The following RANBP2 variants were observed in gnomAD, a reference collection of about 807,000 sequenced individuals.
RANBP2 encodes E3 SUMO-protein ligase RanBP2.
A neutral mutation model predicts 303.6 loss-of-function variants in RANBP2; 57 were observed. That is an observed-to-expected ratio of 0.19 (90% CI 0.15 to 0.23). The LOEUF (loss-of-function observed/expected upper bound fraction) is 0.23. Among genes scored for constraint, RANBP2 ranks in the 10% least tolerant of loss-of-function variants. The probability of loss-of-function intolerance (pLI) is 1.00; values close to 1 mark genes in which losing one functional copy is unlikely to be tolerated. For missense variants in RANBP2, 3,138 were observed against 3,780.8 expected, an observed-to-expected ratio of 0.83 and a Z score of 4.46; for synonymous variants, 1,167 against 1,301.5, an observed-to-expected ratio of 0.90 and a Z score of 2.23.
chr2:109,687,002 C>T, the RANBP2 span, among the ~76,000 whole-genome samples: 1 of 152,216 alleles, frequency 6.6e-6, no homozygotes, highest in East Asian at 1.9e-4. Context: ...CAGGAAAGAG[C>T]TTACATCCTA....
the RANBP2 span, among the ~76,000 whole-genome samples, chr2:109,704,329 C>T: frequency 6.6e-6 from 1 of 152,086 alleles, no homozygotes; most frequent in East Asian, 1.9e-4. Context: ...GGAAGGATCA[C>T]TTGAGCCAAG....
chr2:108,906,524 G>C, the RANBP2 span, among the ~76,000 whole-genome samples: 2 of 152,328 alleles, frequency 1.3e-5, no homozygotes, highest in African/African-American at 2.4e-5. Flanking sequence ...GACACACAGG[G>C]AGGAGGGCCT....
chr2:108,915,201 G>A, the RANBP2 span, among the ~76,000 whole-genome samples: 4 of 152,232 alleles, frequency 2.6e-5, no homozygotes, highest in Admixed American at 6.5e-5. Context: ...TGTAATCCAT[G>A]CCTGGGCTGG....
chr2:109,359,769 C>T, the RANBP2 span, among the ~76,000 whole-genome samples: 2 of 152,126 alleles, frequency 1.3e-5, no homozygotes, highest in Non-Finnish European at 2.9e-5. Flanking sequence ...GTTTCTTCAG[C>T]ATCCTCAAGG....
the RANBP2 span, among the ~76,000 whole-genome samples, chr2:109,481,670 AGGGCTCT>A: frequency 6.6e-6 from 1 of 152,158 alleles, no homozygotes; most frequent in African/African-American, 2.4e-5. Flanking sequence ...ATGTGGATGG[AGGGCTCT>A]GCCTCGCAGC....
chr2:109,059,440 C>T, the RANBP2 span, among the ~76,000 whole-genome samples: 29 of 151,976 alleles, frequency 1.9e-4, no homozygotes, highest in Admixed American at 8.5e-4. Flanking sequence ...CCGGGTGTGG[C>T]GGTGGGTGCC....
chr2:109,011,054 G>T, the RANBP2 span, among the ~76,000 whole-genome samples: 1 of 152,334 alleles, frequency 6.6e-6, no homozygotes, highest in East Asian at 1.9e-4. Flanking sequence ...ATTAAGGGAG[G>T]AAGTTCTGGG....
the RANBP2 span, among the ~76,000 whole-genome samples, chr2:109,363,265 C>A: frequency 6.6e-6 from 1 of 151,850 alleles, no homozygotes; most frequent in Non-Finnish European, 1.5e-5. Context: ...GCATTGGAGT[C>A]TGCAATATTC....
intron 1 of RANBP2, chr2:108,719,980 C>T: frequency 4.1e-6 from 4 of 985,032 alleles, no homozygotes; most frequent in Non-Finnish European, 4.8e-6. Context: ...TGGCCGATCG[C>T]GCACCCCGTA....
chr2:108,891,345 A>ATATC, the RANBP2 span, among the ~76,000 whole-genome samples: 1 of 152,160 alleles, frequency 6.6e-6, no homozygotes, highest in African/African-American at 2.4e-5. Flanking sequence ...TCCTAAAGAT[A>ATATC]TATCTATGGT....
the RANBP2 span, among the ~76,000 whole-genome samples, chr2:108,923,092 G>T: frequency 4.4e-3 from 663 of 152,262 alleles, 3 homozygotes; most frequent in Non-Finnish European, 7.1e-3. Context: ...CCATATTACC[G>T]ATGAGAAAAC....
chr2:109,408,462 A>G, the RANBP2 span, among the ~76,000 whole-genome samples: 3 of 152,190 alleles, frequency 2.0e-5, no homozygotes, highest in African/African-American at 7.2e-5. Flanking sequence ...ACCTCCCCAC[A>G]GGCATTATCT....
chr2:109,744,074 T>C, the RANBP2 span, among the ~76,000 whole-genome samples: 2 of 102,760 alleles, frequency 1.9e-5, no homozygotes, highest in African/African-American at 5.4e-5. Flanking sequence ...TGAATAGTGC[T>C]GTGATGAACA....
chr2:109,579,750 A>T, the RANBP2 span, among the ~76,000 whole-genome samples: 1 of 152,032 alleles, frequency 6.6e-6, no homozygotes, highest in Non-Finnish European at 1.5e-5. Context: ...TCTTATGCAA[A>T]TTTTTCCAGA....
chr2:109,153,437 T>C, the RANBP2 span, among the ~76,000 whole-genome samples: 7 of 152,294 alleles, frequency 4.6e-5, no homozygotes, highest in African/African-American at 1.7e-4. Flanking sequence ...TTAGTTCTGC[T>C]GAGAAAGAAG....
At chr2:109,033,370 G>A in the RANBP2 span, among the ~76,000 whole-genome samples, 4 of 152,076 alleles carry the variant, frequency 2.6e-5, no homozygotes, top group African/African-American at 7.2e-5. Context: ...TGGTGTTGCC[G>A]AAACACCCAG....
At position 108,772,008 on chromosome 2, in the gene RANBP2, A is replaced by G. The variant is rs753868632; in HGVS notation, c.8020+137A>G. On this transcript the variant is annotated intron_variant, in intron 21 of 28. Coordinates refer to ENST00000283195, the MANE Select transcript of RANBP2 (RefSeq NM_006267.5). ...GCAGGTAGATATTTACCCTAAATGT[A>G]TGTGTAAATGGTCAATGGATATAGT... is the stretch of plus-strand genomic sequence containing the variant. 4.3e-4 allele frequency: 484 copies of G among 1,115,170 alleles called. 1 individual carries two copies. Among genetic ancestry groups the G allele is most frequent in the Admixed American group, 1.2e-3 (61 of 49,662 alleles). 69.1% of individuals were successfully genotyped at this position (1,115,170 alleles called of 1,614,324 possible). A position where few individuals can be genotyped will look rare whatever the true frequency, so the allele number is the denominator to read the frequency against.
At chr2:109,009,520 G>A in the RANBP2 span, among the ~76,000 whole-genome samples, 9 of 151,618 alleles carry the variant, frequency 5.9e-5, no homozygotes, top group East Asian at 5.8e-4. Flanking sequence ...TTTTTGTTGC[G>A]TTTGTTTGTT....
chr2:108,923,444 C>G, the RANBP2 span: 1 of 1,614,110 alleles, frequency 6.2e-7, no homozygotes, highest in Non-Finnish European at 8.5e-7. Context: ...TGTTCTCCAG[C>G]ATGTAGTAGC....
Sources: allele counts gnomAD v4.1 joint callset (sites outside exome capture counted in the v4.1 genomes callset), GRCh38; gene constraint gnomAD v4.1.1; transcripts MANE v1.5; gene names NCBI Gene and HGNC (gene_info 2026-07-23, HGNC 2026-07-21).